SEL1L3: variants seen among roughly 807,000 people sequenced by gnomAD.
SEL1L3 encodes protein sel-1 homolog 3.
In SEL1L3, 76 loss-of-function variants were observed where a neutral mutation model predicts 142.8. The observed-to-expected ratio is 0.53, with a 90% CI of 0.44 to 0.64. The LOEUF is 0.64. Ranked by LOEUF, SEL1L3 falls within the 30% of genes least tolerant of loss-of-function variation. The pLI is 0.00. For missense variants in SEL1L3, 1,262 were observed against 1,381.7 expected, an observed-to-expected ratio of 0.91 and a Z score of 1.37; for synonymous variants, 504 against 519.6, an observed-to-expected ratio of 0.97 and a Z score of 0.41.
intron 9 of SEL1L3, among the ~76,000 whole-genome samples, chr4:25,813,681 G>C (rs972155664): frequency 4.6e-5 from 7 of 152,118 alleles, no homozygotes; most frequent in African/African-American, 1.4e-4. Context: ...ACCTAAAACT[G>C]GTTCAGATGG....
chr4:25,798,049 A>C (rs1712904890), intron 11 of SEL1L3, among the ~76,000 whole-genome samples: 1 of 152,162 alleles, frequency 6.6e-6, no homozygotes, highest in African/African-American at 2.4e-5. Context: ...AGGCAAGGTC[A>C]GGAGGTGGGA....
rs1714937592 is a variant in SEL1L3, at chr4:25,824,025, A to C, written c.1158-1897T>G. On this transcript the variant is annotated intron_variant, in intron 6 of 23. Coordinates refer to ENST00000399878, the MANE Select transcript of SEL1L3 (RefSeq NM_015187.5). ...CTAGAGATTAGTCTCGTCTAAACAC[A>C]ACCAAAATGGAAAAGAAGTGCTTCA... 2.6e-5 allele frequency among the ~76,000 whole-genome samples: 4 copies of C among 152,308 alleles called. No homozygotes were observed. In the South Asian group the frequency reaches 8.3e-4, roughly 32 times the overall value.
downstream of SEL1L3, among the ~76,000 whole-genome samples, chr4:25,743,246 G>C (rs1717169865): frequency 6.6e-6 from 1 of 152,140 alleles, no homozygotes; most frequent in African/African-American, 2.4e-5. Context: ...TAAAAATATT[G>C]AGTGGGCCAA....
At chr4:25,818,409 G>A in intron 8 of SEL1L3, 131 bp from the exon 9 acceptor site, 2 of 831,690 alleles carry the variant, frequency 2.4e-6, no homozygotes, top group Admixed American at 3.5e-5. Flanking sequence ...GTCCTTTTGG[G>A]ATTTGAAATT....
In SEL1L3 at chr4:25,788,344, C is replaced by G; in HGVS notation, c.2097G>C (p.Leu699=). 1.2e-6 allele frequency: 2 copies of G among 1,613,968 alleles called. No homozygotes were observed. Among genetic ancestry groups the G allele is most frequent in the Non-Finnish European group, 1.7e-6 (2 of 1,179,878 alleles). Residue 699 remains leucine, a synonymous_variant, in exon 13 of 24, where the codon CTG becomes CTC. Coordinates refer to ENST00000399878, the MANE Select transcript of SEL1L3 (RefSeq NM_015187.5). This position sits in a 1 kb window ranked among gnomAD's most constrained non-coding sequence, Gnocchi z 5.3. ...AAAQQRLAQM[L]FWGQQGVAKN... ...TGGCCACACCTTGCTGCCCCCAGAA[C>G]AGCATCTGGGCCAATCGTTGCTTAA... is the stretch of plus-strand genomic sequence containing the variant.
At chr4:25,854,889 C>T (rs1717153223) in intron 1 of SEL1L3, among the ~76,000 whole-genome samples, 1 of 152,198 alleles carries the variant, frequency 6.6e-6, no homozygotes, top group Admixed American at 6.5e-5. Flanking sequence ...GCTTGAATGA[C>T]AGCTGGAGTA....
At chr4:25,713,998 C>T in the SEL1L3 span, among the ~76,000 whole-genome samples, 1 of 152,152 alleles carries the variant, frequency 6.6e-6, no homozygotes, top group Non-Finnish European at 1.5e-5. Context: ...TTTTCCCACA[C>T]GTGAACCACC....
intron 13 of SEL1L3, among the ~76,000 whole-genome samples, chr4:25,785,488 C>A (rs1041359134): frequency 3.9e-5 from 6 of 152,192 alleles, no homozygotes; most frequent in African/African-American, 1.4e-4. Context: ...AGGAACCATG[C>A]AGGATATGCT....
rs746706992 is a variant in SEL1L3, at chr4:25,757,801, A to G, written c.3084-11T>C. The G allele has an allele frequency of 2.1e-5, 33 of 1,561,798 alleles. No individual in the cohort carries two copies. The highest frequency in any genetic ancestry group is 2.8e-5 in the Non-Finnish European group (32 of 1,152,926). ...CTGTGGCTCCAGCACCTGCAGACAAAGCCCAGGGCATCTTGACGTGTCAGC... is the reference window on the plus strand; with the variant it reads ...CTGTGGCTCCAGCACCTGCAGACAAGGCCCAGGGCATCTTGACGTGTCAGC... On this transcript the variant is annotated splice_polypyrimidine_tract_variant and intron_variant, in intron 21 of 23. Coordinates refer to ENST00000399878, the MANE Select transcript of SEL1L3 (RefSeq NM_015187.5).
downstream of SEL1L3, among the ~76,000 whole-genome samples, chr4:25,746,971 T>A (rs1008169220): frequency 6.6e-6 from 1 of 152,160 alleles, no homozygotes; most frequent in African/African-American, 2.4e-5. Context: ...AGTATGGGAA[T>A]CTGAGACTTA....
intron 11 of SEL1L3, among the ~76,000 whole-genome samples, chr4:25,797,504 C>T (rs1341292969): frequency 6.6e-6 from 1 of 152,164 alleles, no homozygotes; most frequent in Non-Finnish European, 1.5e-5. Flanking sequence ...GAAACATCAG[C>T]TGTAAGGGTG....
intron 16 of SEL1L3, chr4:25,777,982 C>T (rs1004999316): frequency 1.0e-5 from 4 of 381,976 alleles, no homozygotes; most frequent in African/African-American, 6.4e-5. Context: ...TATAACTCCT[C>T]AAGAATGTAA....
Position 25,847,282 on chromosome 4 carries a change from T to C in SEL1L3, c.733+12A>G, listed in dbSNP as rs144381109. ...AATGAGAATTAGGTTCCTAGCAAGA[T>C]AGATGACCTACCATTTTCCAGAGGA... On this transcript the variant is annotated intron_variant, in intron 2 of 23. Coordinates refer to ENST00000399878, the MANE Select transcript of SEL1L3 (RefSeq NM_015187.5). The C allele has an allele frequency of 2.7e-5, 43 of 1,598,530 alleles. No individual in the cohort carries two copies. The highest frequency in any genetic ancestry group is 3.3e-5 in the Non-Finnish European group (39 of 1,170,784).
At chr4:25,846,991 T>A (rs1470859795) in intron 2 of SEL1L3, among the ~76,000 whole-genome samples, 2 of 151,666 alleles carry the variant, frequency 1.3e-5, no homozygotes, top group Admixed American at 1.3e-4. Context: ...CCAATCCTTG[T>A]TTCGGTGGCA....
chr4:25,722,768 T>G, the SEL1L3 span, among the ~76,000 whole-genome samples: 1 of 152,022 alleles, frequency 6.6e-6, no homozygotes, highest in South Asian at 2.1e-4. Context: ...ACAATTCTCT[T>G]GAGTATTACC....
chr4:25,756,832 TTGAC>T, intron 23 of SEL1L3: 1 of 1,272,378 alleles, frequency 7.9e-7, no homozygotes, highest in Non-Finnish European at 1.0e-6. Context: ...ATCTGATTGC[TTGAC>T]TGAAATGAAA....
upstream of SEL1L3, among the ~76,000 whole-genome samples, chr4:25,863,165 G>C (rs183606764): frequency 0.068 from 8,580 of 125,802 alleles, 350 homozygotes; most frequent in South Asian, 0.14. Flanking sequence ...GGTGGGCACC[G>C]ACCCGGGTCC....
intron 9 of SEL1L3, among the ~76,000 whole-genome samples, chr4:25,811,409 AG>A (rs1714013206): frequency 1.3e-5 from 2 of 152,178 alleles, no homozygotes; most frequent in African/African-American, 2.4e-5. Flanking sequence ...CAGAGGAAAC[AG>A]GCTGAGGGAG....
At chr4:25,853,664 CTTTTTTTTTTT>C (rs34922528) in intron 1 of SEL1L3, among the ~76,000 whole-genome samples, 1 of 83,004 alleles carries the variant, frequency 1.2e-5, no homozygotes, top group African/African-American at 5.6e-5. Context: ...CTCTTCTTAC[CTTTTTTTTTTT>C]TTTTTTTTTT....
Sources: gnomAD v4.1 joint callset for allele counts (sites outside exome capture counted in the v4.1 genomes callset) on GRCh38, gnomAD v4.1.1 for gene constraint, Gnocchi (gnomAD v3.1) non-coding constraint, MANE v1.5 for transcripts, NCBI Gene and HGNC (gene_info 2026-07-23, HGNC 2026-07-21) for gene names.